The following AREL1 variants were observed in gnomAD, a reference collection of about 807,000 sequenced individuals.
AREL1 encodes apoptosis-resistant E3 ubiquitin protein ligase 1.
AREL1 carries 62 observed loss-of-function variants against 99.0 expected under a neutral mutation model. That is an observed-to-expected ratio of 0.63 (90% CI 0.51 to 0.77). The LOEUF (loss-of-function observed/expected upper bound fraction) is 0.77, where lower values mean the gene tolerates loss of function less well. Among genes scored for constraint, AREL1 ranks in the 30% least tolerant of loss-of-function variants. The pLI, the probability that AREL1 is intolerant of heterozygous loss-of-function variation, is 0.00. For missense variants in AREL1, 879 were observed against 1,027.6 expected, an observed-to-expected ratio of 0.86 and a Z score of 1.98; for synonymous variants, 380 against 376.5, an observed-to-expected ratio of 1.01 and a Z score of -0.11.
chr14:74,669,995 G>A lies in AREL1; in HGVS notation c.1740C>T (p.Phe580=), dbSNP rs1566679990. Residue 580 remains phenylalanine, a synonymous_variant, in exon 14 of 20, where the codon TTC becomes TTT. Transcript: ENST00000356357. ...TGATTTGGGCCAGGAAAGAGCGGGTGAAGCGAGCTCGGACCAACTGCTTGT... is the reference window on the plus strand; with the variant it reads ...TGATTTGGGCCAGGAAAGAGCGGGTAAAGCGAGCTCGGACCAACTGCTTGT... ...GAYKQLVRAR[F]TRSFLAQIIG... The A allele has an allele frequency of 6.2e-7, 1 of 1,613,944 alleles. No homozygotes were observed. Among genetic ancestry groups the A allele is most frequent in the Non-Finnish European group, 8.5e-7 (1 of 1,179,868 alleles).
chr14:74,709,494 T>C lies in AREL1; in HGVS notation c.-334+3439A>G, dbSNP rs2090243654. 2.0e-5 allele frequency among the ~76,000 whole-genome samples: 3 copies of C among 152,210 alleles called. No individual in the cohort carries two copies. In the South Asian group the frequency reaches 6.2e-4, roughly 32 times the overall value. ...CCATACTTTACCTATTTACAAGTCT[T>C]TCTGTAATACAGGACTGTGGTGAGA... On this transcript the variant is annotated intron_variant, in intron 1 of 19. Transcript: ENST00000356357.
intron 1 of AREL1, chr14:74,712,054 AAAAAAAAAAAAAAGAAAAAAAAAG>A (rs1594776516): frequency 8.5e-4 from 50 of 58,866 alleles, no homozygotes; most frequent in African/African-American, 2.2e-3. Context: ...AAAAAAAAAA[AAAAAAAAAAAAAAGAAAAAAAAAG>A]AAAGAAAGAA....
chr14:74,675,670 G>A, intron 8 of AREL1, 29 bp downstream of exon 8: 1 of 1,605,988 alleles, frequency 6.2e-7, no homozygotes, highest in South Asian at 1.1e-5. Context: ...CAAGCAGGGG[G>A]ATTTTATGTC....
intron 3 of AREL1, 130 bp from the exon 4 acceptor site, chr14:74,684,810 C>T: frequency 1.3e-6 from 1 of 749,404 alleles, no homozygotes; most frequent in East Asian, 2.7e-5. Flanking sequence ...CAAAGAAACA[C>T]TGCACTGGGC....
intron 17 of AREL1, among the ~76,000 whole-genome samples, chr14:74,665,452 A>G (rs10151838): frequency 0.12 from 18,895 of 151,982 alleles, 1,476 homozygotes; most frequent in South Asian, 0.31. Context: ...AAATGAAACA[A>G]AGGACAAAAC....
At chr14:74,703,477 T>C (rs148214108) in intron 1 of AREL1, among the ~76,000 whole-genome samples, 1,754 of 152,290 alleles carry the variant, frequency 0.012, 31 homozygotes, top group African/African-American at 0.039. Flanking sequence ...AGCCAAACCA[T>C]ATCAAAAGAT....
At chr14:74,704,691 T>A (rs182063758) in intron 1 of AREL1, among the ~76,000 whole-genome samples, 1 of 152,332 alleles carries the variant, frequency 6.6e-6, no homozygotes, top group East Asian at 1.9e-4. Flanking sequence ...TGCAAATATT[T>A]TCTGTGGCTT....
intron 1 of AREL1, among the ~76,000 whole-genome samples, chr14:74,699,477 C>T (rs2090043535): frequency 6.6e-6 from 1 of 151,930 alleles, no homozygotes; most frequent in South Asian, 2.1e-4. Context: ...GCGCTGGTTC[C>T]CAACTTGCAC....
rs1000554594 is a variant in AREL1 at position 74,664,900 on chromosome 14, A to T, written c.2129T>A (p.Ile710Asn). The T allele has an allele frequency of 5.0e-6, 8 of 1,613,858 alleles. No individual in the cohort carries two copies. Among genetic ancestry groups the T allele is most frequent in the Non-Finnish European group, 6.8e-6 (8 of 1,179,780 alleles). ...LELLMCGTGD[I>N]SVSDFKAHAV... is the part of the protein sequence containing the mutation. ...ATGGGCTTTGAAGTCAGACACACTG[A>T]TGTCTCCAGTCCCACACATCAGCAG... The change falls in exon 18 of 20, where the codon ATC becomes AAC. Residue 710 changes from isoleucine (I) to asparagine (N), a missense_variant. Transcript: ENST00000356357.
chr14:74,677,234 C>T (rs187087908), intron 5 of AREL1, among the ~76,000 whole-genome samples: 41 of 151,694 alleles, frequency 2.7e-4, no homozygotes, highest in African/African-American at 8.5e-4. Flanking sequence ...GTGGCTCACA[C>T]GTGTAATCCC....
At chr14:74,672,773 T>C in intron 11 of AREL1, 58 bp downstream of exon 11, 1 of 1,609,888 alleles carries the variant, frequency 6.2e-7, no homozygotes. Flanking sequence ...ACCTGCAGAA[T>C]ATAGACATTC....
chr14:74,712,038 C>CAAAAAAAAAAAAAAAAAAAAAAAAAAAAA (rs752599769), intron 1 of AREL1: 15 of 28,698 alleles, frequency 5.2e-4, no homozygotes, highest in Non-Finnish European at 7.8e-4. Flanking sequence ...AGACAAAGTG[C>CAAAAAAAAAAAAAAAAAAAAAAAAAAAAA]AAAAAAAAAA....
Position 74,685,629 on chromosome 14 carries a change from T to G in AREL1, c.-14A>C, listed in dbSNP as rs552323569. 7 of 1,614,206 alleles carry G rather than the reference T, an allele frequency of 4.3e-6. No individual in the cohort carries two copies. The African/African-American group carries it at 8.0e-5, about 18-fold the overall frequency. ...AACGTAAAACATCAGGTCCCGTCAA[T>G]GCCAACAGACAGCCGAGGATCACAG... On this transcript the variant is annotated 5_prime_UTR_variant, in exon 3 of 20. Transcript: ENST00000356357.
At chr14:74,668,784 G>A (rs199980615) in intron 15 of AREL1, among the ~76,000 whole-genome samples, 28 of 152,168 alleles carry the variant, frequency 1.8e-4, no homozygotes, top group East Asian at 1.7e-3. Flanking sequence ...CAACTTTAGC[G>A]TCATCATTAT....
chr14:74,676,945 C>A (rs1377205811), intron 5 of AREL1, among the ~76,000 whole-genome samples, 193 bp from the exon 6 acceptor site: 1 of 151,904 alleles, frequency 6.6e-6, no homozygotes. Flanking sequence ...TATAGGTGCC[C>A]GCCACCATGC....
rs777318394 is a variant in AREL1, at chr14:74,670,775, T to C, written c.1595A>G (p.Asn532Ser). 1.2e-6 allele frequency: 2 copies of C among 1,614,112 alleles called. No individual in the cohort carries two copies. Among genetic ancestry groups the C allele is most frequent in the Admixed American group, 1.7e-5 (1 of 60,020 alleles). Reference protein sequence around the residue: ...TNQLFTRFSDNNQALVHPNPN... With the variant: ...TNQLFTRFSDSNQALVHPNPN... The stretch of plus-strand genomic sequence containing the variant: ...TCACCAACTCACTAATGCTTGGTTG[T>C]TGTCACTGAACCGGGTGAAGAGCTG... The change falls in exon 13 of 20, where the codon AAC (asparagine) becomes AGC (serine). Residue 532 changes from asparagine to serine, a missense_variant. Transcript: ENST00000356357.
At chr14:74,679,451 G>T (rs1317696310) in intron 5 of AREL1, among the ~76,000 whole-genome samples, 2 of 152,102 alleles carry the variant, frequency 1.3e-5, no homozygotes, top group Non-Finnish European at 2.9e-5. Context: ...GCTACAGATG[G>T]GGAGAAAATA....
At chr14:74,671,363 G>C in intron 12 of AREL1, 45 bp downstream of exon 12, 5 of 816,758 alleles carry the variant, frequency 6.1e-6, no homozygotes, top group Non-Finnish European at 9.5e-6. Flanking sequence ...AGGTGCGAGT[G>C]GGGAGGAGAG....
intron 1 of AREL1, among the ~76,000 whole-genome samples, chr14:74,703,838 T>C (rs1194936796): frequency 6.6e-6 from 1 of 152,222 alleles, no homozygotes; most frequent in Admixed American, 6.5e-5. Flanking sequence ...ATTTCATTTC[T>C]CTTGGGTAAA....
Sources: allele counts gnomAD v4.1 joint callset (sites outside exome capture counted in the v4.1 genomes callset), GRCh38; gene constraint gnomAD v4.1.1; transcripts MANE v1.5; gene names NCBI Gene and HGNC (gene_info 2026-07-23, HGNC 2026-07-21).